Variants in LINGO2 observed in about 807,000 individuals in gnomAD.
LINGO2 encodes leucine-rich repeat and immunoglobulin-like domain-containing nogo receptor-interacting protein 2.
LINGO2 carries 14 observed loss-of-function variants against 30.6 expected under a neutral mutation model. The ratio of observed to expected loss-of-function variants is 0.46; its 90% CI spans 0.30 to 0.72. The LOEUF is 0.72. Among genes scored for constraint, LINGO2 ranks in the 30% least tolerant of loss-of-function variants. LINGO2 has a pLI of 0.07. For synonymous variants in LINGO2, 317 were observed against 288.5 expected (o/e 1.10, Z -1.00); for missense variants, 729 against 751.7 (o/e 0.97, Z 0.35).
chr9:28,416,686 T>C (rs532694591), intron 2 of LINGO2, among the ~76,000 whole-genome samples: 1 of 152,262 alleles, frequency 6.6e-6, no homozygotes, highest in South Asian at 2.1e-4. Flanking sequence ...ATCTCCTCAC[T>C]GTGAGTATCT....
intron 2 of LINGO2, among the ~76,000 whole-genome samples, chr9:28,383,282 G>T (rs905875228): frequency 2.0e-5 from 3 of 151,990 alleles, no homozygotes; most frequent in Admixed American, 1.3e-4. Context: ...GTGTGTGTGT[G>T]TGTGTGTGTA....
the LINGO2 span, among the ~76,000 whole-genome samples, chr9:29,121,151 C>G: frequency 2.6e-5 from 4 of 152,104 alleles, no homozygotes; most frequent in African/African-American, 7.2e-5. Flanking sequence ...ATGTTTGAAG[C>G]AGTTGGGAAT....
the LINGO2 span, among the ~76,000 whole-genome samples, chr9:29,067,247 A>G: frequency 6.6e-6 from 1 of 151,834 alleles, no homozygotes; most frequent in African/African-American, 2.4e-5. Flanking sequence ...AATATTATAA[A>G]CTGAGGCTGG....
chr9:28,972,031 T>G, the LINGO2 span, among the ~76,000 whole-genome samples: 1 of 152,220 alleles, frequency 6.6e-6, no homozygotes. Context: ...CTCCCGAATC[T>G]TTTGGAAGAC....
chr9:28,456,461 CAAAT>C (rs1469869723), intron 2 of LINGO2, among the ~76,000 whole-genome samples: 5 of 152,120 alleles, frequency 3.3e-5, no homozygotes, highest in African/African-American at 1.2e-4. Flanking sequence ...AAAGTGAAGA[CAAAT>C]AAATATAAAA....
the LINGO2 span, among the ~76,000 whole-genome samples, chr9:28,884,149 T>C: frequency 2.4e-4 from 36 of 150,146 alleles, no homozygotes; most frequent in East Asian, 6.7e-3. Context: ...GAACAAAGTA[T>C]AAAAAGAAAT....
At chr9:28,618,627 C>A (rs1175472486) in intron 1 of LINGO2, among the ~76,000 whole-genome samples, 1 of 152,126 alleles carries the variant, frequency 6.6e-6, no homozygotes, top group African/African-American at 2.4e-5. Flanking sequence ...TATTCAGTTT[C>A]TTTCTATAAC....
intron 4 of LINGO2, among the ~76,000 whole-genome samples, chr9:28,077,206 G>T (rs570154908): frequency 6.6e-6 from 1 of 152,234 alleles, no homozygotes; most frequent in African/African-American, 2.4e-5. Flanking sequence ...CCACCAAGAT[G>T]TGTTTCCACT....
chr9:28,661,061 C>T (rs1007291437), intron 1 of LINGO2, among the ~76,000 whole-genome samples: 3 of 152,090 alleles, frequency 2.0e-5, no homozygotes, highest in Admixed American at 2.0e-4. Context: ...TTGCAACTAC[C>T]TCTATCCAGA....
At chr9:28,189,537 G>A (rs200271252) in intron 4 of LINGO2, among the ~76,000 whole-genome samples, 28 of 1,612 alleles carry the variant, frequency 0.017, 2 homozygotes, top group Admixed American at 0.049. Context: ...GGGAGGGAGG[G>A]AGGGAGGGAG....
chr9:28,859,492 T>C, the LINGO2 span, among the ~76,000 whole-genome samples: 1 of 152,188 alleles, frequency 6.6e-6, no homozygotes, highest in South Asian at 2.1e-4. Context: ...ATAGACAAAA[T>C]ATTTCCCTTA....
At chr9:28,609,672 A>G (rs577171623) in intron 1 of LINGO2, among the ~76,000 whole-genome samples, 1 of 152,220 alleles carries the variant, frequency 6.6e-6, no homozygotes, top group Admixed American at 6.5e-5. Context: ...TGATTACAGG[A>G]ATGTAACTTA....
At chr9:27,981,544 A>AG (rs1820861023) in intron 5 of LINGO2, among the ~76,000 whole-genome samples, 1 of 121,428 alleles carries the variant, frequency 8.2e-6, no homozygotes, top group African/African-American at 3.0e-5. Context: ...CAAAAAAAAA[A>AG]AAAAAAGAAA....
At chr9:29,038,862 G>A in the LINGO2 span, among the ~76,000 whole-genome samples, 1 of 152,002 alleles carries the variant, frequency 6.6e-6, no homozygotes, top group African/African-American at 2.4e-5. Context: ...ATATTAAGAC[G>A]CCTTAACCGA....
intron 2 of LINGO2, among the ~76,000 whole-genome samples, chr9:28,436,567 C>T (rs1446985928): frequency 6.6e-6 from 1 of 152,034 alleles, no homozygotes; most frequent in Admixed American, 6.5e-5. Flanking sequence ...ACGCCATTCT[C>T]CTGCCTCAGC....
At chr9:28,866,027 G>A in the LINGO2 span, among the ~76,000 whole-genome samples, 177 of 152,146 alleles carry the variant, frequency 1.2e-3, 1 homozygote, top group African/African-American at 4.2e-3. Flanking sequence ...GGCTTTGCTT[G>A]GTTTGTGAAT....
the LINGO2 span, among the ~76,000 whole-genome samples, chr9:29,011,050 C>T: frequency 6.6e-6 from 1 of 152,106 alleles, no homozygotes; most frequent in Admixed American, 6.6e-5. Context: ...CAACATTTAT[C>T]CTCATAGTGC....
rs1827871776 is a variant in LINGO2 at position 28,148,169 on chromosome 9, C to T, written c.-86-135764G>A. 4 of 841,748 alleles carry T rather than the reference C, an allele frequency of 4.8e-6. No individual in the cohort carries two copies. Among genetic ancestry groups the T allele is most frequent in the Admixed American group, 3.3e-5 (1 of 29,916 alleles). The allele number at this position is 841,748 out of a possible 1,614,324, so 52.1% of individuals were successfully genotyped here. On this transcript the variant is annotated intron_variant, in intron 4 of 5. Transcript: ENST00000379992. This position sits in a 1 kb window ranked among gnomAD's most constrained non-coding sequence, Gnocchi z 5.1. The stretch of plus-strand genomic sequence containing the variant: ...CCCACTCCTCTTCAACCCTCAGCGA[C>T]ATCTTGGGCCTTCTTTTCCAGTCAG...
intron 4 of LINGO2, among the ~76,000 whole-genome samples, chr9:28,025,757 G>C (rs1204274690): frequency 6.6e-6 from 1 of 152,198 alleles, no homozygotes; most frequent in Non-Finnish European, 1.5e-5. Flanking sequence ...CATCAGGGTA[G>C]GCTTCCCATC....
Sources: allele counts gnomAD v4.1 joint callset (sites outside exome capture counted in the v4.1 genomes callset), GRCh38; gene constraint gnomAD v4.1.1; non-coding constraint Gnocchi (gnomAD v3.1); transcripts MANE v1.5; gene names NCBI Gene and HGNC (gene_info 2026-07-23, HGNC 2026-07-21).